Variants in GRIN2A observed in about 807,000 individuals in gnomAD.
The protein encoded by GRIN2A is glutamate receptor ionotropic, NMDA 2A.
Under a neutral mutation model 113.4 loss-of-function variants are expected in GRIN2A, and 22 were observed. That is an observed-to-expected ratio of 0.19 (90% confidence interval 0.14 to 0.28). The LOEUF (loss-of-function observed/expected upper bound fraction) is 0.28, where lower values mean the gene tolerates loss of function less well. Ranked by LOEUF, GRIN2A falls within the 10% of genes least tolerant of loss-of-function variation. The probability of loss-of-function intolerance (pLI) is 1.00; values close to 1 mark genes in which losing one functional copy is unlikely to be tolerated. For missense variants in GRIN2A, 1,502 were observed against 1,887.0 expected (o/e 0.80, Z 3.78); for synonymous variants, 827 against 738.4 (o/e 1.12, Z -1.94).
intron 4 of GRIN2A, among the ~76,000 whole-genome samples, chr16:9,850,268 C>G (rs533384924): frequency 6.6e-6 from 1 of 152,144 alleles, no homozygotes; most frequent in Non-Finnish European, 1.5e-5. Context: ...TTCAGGACCA[C>G]GGATGGCAAG....
chr16:10,062,209 C>T (rs556493421), intron 2 of GRIN2A, among the ~76,000 whole-genome samples: 3 of 152,284 alleles, frequency 2.0e-5, no homozygotes, highest in African/African-American at 7.2e-5. Context: ...TAAGCTTTCT[C>T]TGTAAAAGGT....
At chr16:10,030,673 G>A (rs1209534918) in intron 2 of GRIN2A, among the ~76,000 whole-genome samples, 1 of 152,172 alleles carries the variant, frequency 6.6e-6, no homozygotes, top group Non-Finnish European at 1.5e-5. Context: ...TTATAAAGGG[G>A]TCTCTCTCAT....
rs201007843 is a variant in GRIN2A at position 9,768,866 on chromosome 16, G to A, written c.2580C>T (p.Leu860=). Residue 860 remains leucine (L), a synonymous_variant, in exon 12 of 13, where the codon CTC becomes CTT. Transcript: ENST00000330684. The part of the protein sequence containing the change: ...TGVCSDRPGL[L]FSISRGIYSC... Reference sequence around the variant, plus strand: ...GTGTACTGACCCTGCTGATGGAGAAGAGCAACCCAGGCCGGTCGGAGCACA... The same window carrying A: ...GTGTACTGACCCTGCTGATGGAGAAAAGCAACCCAGGCCGGTCGGAGCACA... 2 of 1,613,648 alleles carry A rather than the reference G, an allele frequency of 1.2e-6. No homozygotes were observed. Among genetic ancestry groups the A allele is most frequent in the East Asian group, 2.2e-5 (1 of 44,884 alleles).
intron 12 of GRIN2A, among the ~76,000 whole-genome samples, chr16:9,767,845 G>T (rs1034503856): frequency 2.6e-5 from 4 of 152,046 alleles, no homozygotes; most frequent in Non-Finnish European, 1.5e-5. Context: ...CATTCCACAT[G>T]CTCTTTGTGT....
At chr16:9,850,010 T>G in intron 4 of GRIN2A, 49 bp from the exon 5 acceptor site, 1 of 1,514,588 alleles carries the variant, frequency 6.6e-7, no homozygotes, top group Non-Finnish European at 9.2e-7. Context: ...CGCCGCTGAT[T>G]TCTGGAGAGG....
rs191032318 is a variant in GRIN2A, at chr16:9,833,739, T to G, written c.1777+366A>C. On this transcript the variant is annotated intron_variant, in intron 8 of 12. Coordinates refer to ENST00000330684, the MANE Select transcript of GRIN2A (RefSeq NM_001134407.3). ...GTATAATGTATTCTTTGTGTGTGTG[T>G]GATTGAGTCTCGCTCTGTCCCTCAG... 3.4e-4 allele frequency among the ~76,000 whole-genome samples: 52 copies of G among 152,310 alleles called. No homozygotes were observed. In the East Asian group the frequency reaches 7.1e-3, roughly 21 times the overall value.
chr16:10,026,709 T>C (rs1051797623), intron 2 of GRIN2A, among the ~76,000 whole-genome samples: 6 of 152,194 alleles, frequency 3.9e-5, no homozygotes, highest in Admixed American at 3.3e-4. Flanking sequence ...CTCTTAACAA[T>C]GGCCCCAGGA....
intron 2 of GRIN2A, among the ~76,000 whole-genome samples, chr16:10,009,316 A>T (rs1765130257): frequency 6.6e-6 from 1 of 152,258 alleles, no homozygotes; most frequent in African/African-American, 2.4e-5. Context: ...AAATATTTTT[A>T]AAAATGTAAT....
chr16:10,156,553 C>CA (rs2049699183), intron 2 of GRIN2A, among the ~76,000 whole-genome samples: 1 of 152,108 alleles, frequency 6.6e-6, no homozygotes, highest in African/African-American at 2.4e-5. Context: ...AAAATGGCTA[C>CA]AGCAAGGGTA....
chr16:9,756,871 C>A lies in GRIN2A; in HGVS notation c.*6278G>T, dbSNP rs1384706868. On this transcript the variant is annotated 3_prime_UTR_variant, in exon 13 of 13. Transcript: ENST00000330684. ...TCCTTCCTGAAATACACCTCTATTC[C>A]TTTTGCCATCTCTTTGCCCCGTTTT... is the stretch of plus-strand genomic sequence containing the variant. The A allele has an allele frequency of 1.6e-5, 3 of 184,362 alleles. No homozygotes were observed. Among genetic ancestry groups the A allele is most frequent in the African/African-American group, 7.0e-5 (3 of 42,594 alleles). The allele number at this position is 184,362 out of a possible 1,614,324, so 11.4% of individuals were successfully genotyped here.
intron 2 of GRIN2A, among the ~76,000 whole-genome samples, chr16:10,076,147 T>G (rs1036085912): frequency 1.3e-5 from 2 of 152,200 alleles, no homozygotes; most frequent in African/African-American, 4.8e-5. Flanking sequence ...ACCTGGGACA[T>G]CAGGAAGCAA....
chr16:10,010,084 T>G (rs1052396438), intron 2 of GRIN2A, among the ~76,000 whole-genome samples: 2 of 152,254 alleles, frequency 1.3e-5, no homozygotes, highest in Non-Finnish European at 2.9e-5. Context: ...CTGTTTGAAT[T>G]CCTGCTTTCT....
chr16:9,934,156 A>G (rs1472443002), intron 3 of GRIN2A, among the ~76,000 whole-genome samples: 2 of 152,234 alleles, frequency 1.3e-5, no homozygotes, highest in Non-Finnish European at 2.9e-5. Context: ...TTTGTTCCCT[A>G]TGATGAATAT....
At chr16:9,887,958 T>G (rs1377821344) in intron 4 of GRIN2A, among the ~76,000 whole-genome samples, 1 of 152,188 alleles carries the variant, frequency 6.6e-6, no homozygotes, top group Non-Finnish European at 1.5e-5. Flanking sequence ...TCAGGGGGGC[T>G]GAGGTGGAGT....
chr16:9,813,585 C>T (rs1186073017), intron 10 of GRIN2A, among the ~76,000 whole-genome samples: 1 of 149,796 alleles, frequency 6.7e-6, no homozygotes, highest in African/African-American at 2.5e-5. Context: ...CTCCTGCCCC[C>T]CACAGACATT....
intron 2 of GRIN2A, among the ~76,000 whole-genome samples, chr16:9,941,116 A>C (rs2044865525): frequency 6.6e-6 from 1 of 152,196 alleles, no homozygotes. Flanking sequence ...GTACACAAGG[A>C]ATACAGAAAG....
intron 2 of GRIN2A, among the ~76,000 whole-genome samples, chr16:10,125,254 T>G (rs1176810569): frequency 6.6e-6 from 1 of 152,196 alleles, no homozygotes; most frequent in Non-Finnish European, 1.5e-5. Flanking sequence ...ATTCAAGGTC[T>G]TTGACCCTGG....
chr16:9,896,859 G>A (rs1399400632), intron 3 of GRIN2A, among the ~76,000 whole-genome samples: 12 of 152,102 alleles, frequency 7.9e-5, no homozygotes. Flanking sequence ...TTTACCTAGG[G>A]AAATACCATT....
intron 2 of GRIN2A, among the ~76,000 whole-genome samples, chr16:9,946,279 G>C (rs548736368): frequency 2.6e-4 from 39 of 152,262 alleles, no homozygotes; most frequent in Non-Finnish European, 5.3e-4. Flanking sequence ...AGCAATTATG[G>C]ATTGTCTGGG....
Sources: allele counts gnomAD v4.1 joint callset (sites outside exome capture counted in the v4.1 genomes callset), GRCh38; gene constraint gnomAD v4.1.1; transcripts MANE v1.5; gene names NCBI Gene and HGNC (gene_info 2026-07-23, HGNC 2026-07-21).